GTF2E1: variants seen among roughly 807,000 people sequenced by gnomAD.
GTF2E1 encodes the protein general transcription factor IIE subunit 1.
GTF2E1 carries 14 observed loss-of-function variants against 34.9 expected under a neutral mutation model. That is an observed-to-expected ratio of 0.40 (90% CI 0.27 to 0.63). The LOEUF (loss-of-function observed/expected upper bound fraction) is 0.63, where lower values mean the gene tolerates loss of function less well. GTF2E1 is among the 20% of genes least tolerant of loss of function. The probability of loss-of-function intolerance (pLI) is 0.39; values close to 1 mark genes in which losing one functional copy is unlikely to be tolerated. For missense variants in GTF2E1, 469 were observed against 557.7 expected, an observed-to-expected ratio of 0.84 and a Z score of 1.60; for synonymous variants, 188 against 192.9, an observed-to-expected ratio of 0.97 and a Z score of 0.21.
intron 2 of GTF2E1, among the ~76,000 whole-genome samples, chr3:120,751,804 C>T (rs1375512485): frequency 1.3e-5 from 2 of 152,098 alleles, no homozygotes; most frequent in Non-Finnish European, 2.9e-5. Context: ...TATAGAAGGA[C>T]TCAGTGCTAT....
At chr3:120,748,702 C>A (rs373265220) in intron 1 of GTF2E1, among the ~76,000 whole-genome samples, 1 of 152,022 alleles carries the variant, frequency 6.6e-6, no homozygotes, top group Non-Finnish European at 1.5e-5. Context: ...CCAGCTTTGT[C>A]CTTTTGGCTT....
At chr3:120,751,152 T>G in intron 2 of GTF2E1, 152 bp downstream of exon 2, 1 of 578,472 alleles carries the variant, frequency 1.7e-6, no homozygotes, top group Non-Finnish European at 3.0e-6. Context: ...CTTACTGTCC[T>G]GTTTGGCTGT....
At chr3:120,751,146 C>A (rs1709162018) in intron 2 of GTF2E1, 146 bp downstream of exon 2, 1 of 598,790 alleles carries the variant, frequency 1.7e-6, no homozygotes, top group Non-Finnish European at 2.9e-6. Flanking sequence ...GTCAGTCTTA[C>A]TGTCCTGTTT....
Position 120,750,976 on chromosome 3 carries a change from A to T in GTF2E1, c.424A>T (p.Asn142Tyr). 1 of 1,612,776 alleles carries T rather than the reference A, an allele frequency of 6.2e-7. No individual in the cohort carries two copies. ...CSSTFTDLEANQLFDPMTGTF... is the reference protein window; with the variant it reads ...CSSTFTDLEAYQLFDPMTGTF... Reference sequence around the variant, plus strand: ...TAGTACTTTCACAGACTTAGAAGCTAATCAGCTCTTTGATCCTATGACAGG... The same window carrying T: ...TAGTACTTTCACAGACTTAGAAGCTTATCAGCTCTTTGATCCTATGACAGG... The change falls in exon 2 of 5, where the codon AAT becomes TAT. Residue 142 changes from asparagine (N) to tyrosine (Y), a missense_variant. By Grantham distance (143) the Asn-to-Tyr change is moderately radical. Transcript: ENST00000283875.
At chr3:120,756,476 G>T (rs906029687) in intron 2 of GTF2E1, among the ~76,000 whole-genome samples, 1 of 141,496 alleles carries the variant, frequency 7.1e-6, no homozygotes, top group Admixed American at 7.1e-5. Flanking sequence ...GTAAGGGGGG[G>T]AAATTTATTA....
At chr3:120,763,008 A>G (rs1246120721) in intron 2 of GTF2E1, among the ~76,000 whole-genome samples, 3 of 152,226 alleles carry the variant, frequency 2.0e-5, no homozygotes. Flanking sequence ...GTATTCATAT[A>G]GAAAATATGC....
At chr3:120,744,069 G>A (rs1220111213) in intron 1 of GTF2E1, among the ~76,000 whole-genome samples, 1 of 152,160 alleles carries the variant, frequency 6.6e-6, no homozygotes, top group African/African-American at 2.4e-5. Flanking sequence ...AACGCCAGCT[G>A]CTATTCGGCT....
At chr3:120,752,779 G>T (rs1278840520) in intron 2 of GTF2E1, among the ~76,000 whole-genome samples, 1 of 152,186 alleles carries the variant, frequency 6.6e-6, no homozygotes, top group African/African-American at 2.4e-5. Flanking sequence ...GTTGTGGCCA[G>T]TCTGAACAAA....
chr3:120,756,455 G>T (rs1176025753), intron 2 of GTF2E1, among the ~76,000 whole-genome samples: 1 of 150,416 alleles, frequency 6.6e-6, no homozygotes, highest in Non-Finnish European at 1.5e-5. Flanking sequence ...ATGGATTGGG[G>T]AGTGGGGGGA....
At chr3:120,762,011 C>T (rs190634834) in intron 2 of GTF2E1, among the ~76,000 whole-genome samples, 3,242 of 152,106 alleles carry the variant, frequency 0.021, 54 homozygotes, top group Middle Eastern at 0.054. Context: ...AGGATGGTCT[C>T]GATCTCCTGA....
At chr3:120,754,963 G>T (rs975631926) in intron 2 of GTF2E1, among the ~76,000 whole-genome samples, 1 of 152,064 alleles carries the variant, frequency 6.6e-6, no homozygotes, top group Non-Finnish European at 1.5e-5. Context: ...ATAAATCTAG[G>T]GGTATATACA....
At chr3:120,776,696 C>T in intron 4 of GTF2E1, 32 bp downstream of exon 4, 2 of 1,589,312 alleles carry the variant, frequency 1.3e-6, no homozygotes, top group Non-Finnish European at 1.7e-6. Flanking sequence ...ATGGATGTGT[C>T]TTAGGTTCTG....
chr3:120,761,517 C>T (rs919125085), intron 2 of GTF2E1, among the ~76,000 whole-genome samples: 1 of 152,034 alleles, frequency 6.6e-6, no homozygotes, highest in African/African-American at 2.4e-5. Flanking sequence ...GATGTTAGGG[C>T]ATCAATTTTA....
intron 4 of GTF2E1, among the ~76,000 whole-genome samples, chr3:120,779,255 C>T (rs1017384999): frequency 2.0e-5 from 3 of 152,162 alleles, no homozygotes; most frequent in Non-Finnish European, 4.4e-5. Flanking sequence ...AATACTTAAA[C>T]ATTAATCAAA....
chr3:120,779,859 A>C (rs1322490672), intron 4 of GTF2E1, among the ~76,000 whole-genome samples: 1 of 152,226 alleles, frequency 6.6e-6, no homozygotes, highest in Non-Finnish European at 1.5e-5. Context: ...TAGTGTTAGG[A>C]TTTGAATCAG....
At chr3:120,769,804 TTC>T (rs1709337951) in intron 2 of GTF2E1, among the ~76,000 whole-genome samples, 1 of 152,184 alleles carries the variant, frequency 6.6e-6, no homozygotes, top group Non-Finnish European at 1.5e-5. Context: ...AGGGCTGCAT[TTC>T]TCTCTCTTTC....
chr3:120,770,908 A>T lies in GTF2E1; in HGVS notation c.629A>T (p.Glu210Val). Residue 210 changes from glutamate (E) to valine (V), a missense_variant, in exon 3 of 5, where the codon GAA becomes GTA. Coordinates refer to ENST00000283875, the MANE Select transcript of GTF2E1 (RefSeq NM_005513.3). ...AYEILEPEPTEIPALKQSKDH... is the reference protein window; with the variant it reads ...AYEILEPEPTVIPALKQSKDH... ...GAAATACTTGAGCCAGAACCCACAG[A>T]AATCCCAGCCCTGAAACAGAGGTGA... 1 of 1,613,516 alleles carries T rather than the reference A, an allele frequency of 6.2e-7. No homozygotes were observed.
Position 120,782,956 on chromosome 3 carries a change from T to G in GTF2E1, c.*1486T>G, listed in dbSNP as rs1357255264. The G allele has an allele frequency of 6.6e-6, 1 of 152,222 alleles. No individual in the cohort carries two copies. Among genetic ancestry groups the G allele is most frequent in the Non-Finnish European group, 1.5e-5 (1 of 68,026 alleles). The allele number at this position is 152,222 out of a possible 1,614,324, so 9.4% of individuals were successfully genotyped here. ...TCCTTGCATTGTAATTTTTAAGTATTTATCATTTTATAGTACACATGTAAA... is the reference window on the plus strand; with the variant it reads ...TCCTTGCATTGTAATTTTTAAGTATGTATCATTTTATAGTACACATGTAAA... On this transcript the variant is annotated 3_prime_UTR_variant, in exon 5 of 5. Coordinates refer to ENST00000283875, the MANE Select transcript of GTF2E1 (RefSeq NM_005513.3).
At chr3:120,773,058 AAAG>A (rs1403144195) in intron 3 of GTF2E1, among the ~76,000 whole-genome samples, 1 of 152,184 alleles carries the variant, frequency 6.6e-6, no homozygotes, top group Non-Finnish European at 1.5e-5. Flanking sequence ...CATTAAGAAA[AAAG>A]GGAGGAAATG....
Sources: allele counts gnomAD v4.1 joint callset (sites outside exome capture counted in the v4.1 genomes callset), GRCh38; gene constraint gnomAD v4.1.1; transcripts MANE v1.5; gene names NCBI Gene and HGNC (gene_info 2026-07-23, HGNC 2026-07-21).